The following GRID2 variants were observed in gnomAD, a reference collection of about 807,000 sequenced individuals.
The protein encoded by GRID2 is glutamate receptor ionotropic, delta-2.
In GRID2, 33 loss-of-function variants were observed where a neutral mutation model predicts 114.8. That is an observed-to-expected ratio of 0.29 (90% CI 0.22 to 0.38). The LOEUF (loss-of-function observed/expected upper bound fraction) is 0.38. GRID2 is among the 10% of genes least tolerant of loss of function. The pLI is 1.00. For synonymous variants in GRID2, 505 were observed against 449.9 expected, an observed-to-expected ratio of 1.12 and a Z score of -1.55; for missense variants, 1,184 against 1,257.7, an observed-to-expected ratio of 0.94 and a Z score of 0.89.
chr4:93,555,138 C>T (rs903898836), intron 13 of GRID2, among the ~76,000 whole-genome samples: 1 of 152,174 alleles, frequency 6.6e-6, no homozygotes, highest in East Asian at 1.9e-4. Context: ...CCTCGGGTGC[C>T]TACACCACCA....
intron 1 of GRID2, among the ~76,000 whole-genome samples, chr4:92,520,307 T>C (rs1029634169): frequency 6.6e-6 from 1 of 151,802 alleles, no homozygotes; most frequent in African/African-American, 2.4e-5. Context: ...ACATACCTTA[T>C]GTTACATGAT....
intron 1 of GRID2, among the ~76,000 whole-genome samples, chr4:92,464,989 C>T (rs532212123): frequency 6.6e-6 from 1 of 152,000 alleles, no homozygotes; most frequent in African/African-American, 2.4e-5. Flanking sequence ...TCCCTCTTCA[C>T]TCTCTCTCTC....
intron 3 of GRID2, among the ~76,000 whole-genome samples, chr4:93,109,652 A>T (rs1234611289): frequency 6.6e-6 from 1 of 152,090 alleles, no homozygotes; most frequent in Non-Finnish European, 1.5e-5. Flanking sequence ...CTACAATCCC[A>T]TTTACTTGTT....
intron 2 of GRID2, among the ~76,000 whole-genome samples, chr4:92,967,845 C>T (rs893011173): frequency 1.3e-4 from 20 of 151,932 alleles, no homozygotes; most frequent in African/African-American, 4.6e-4. Context: ...CAATAATTCT[C>T]CTTGAAATCT....
intron 1 of GRID2, among the ~76,000 whole-genome samples, chr4:92,305,744 T>TC (rs1446773404): frequency 6.6e-6 from 1 of 152,158 alleles, no homozygotes; most frequent in East Asian, 1.9e-4. Context: ...CGCTCGCAGC[T>TC]TCAGGCTCCA....
intron 2 of GRID2, among the ~76,000 whole-genome samples, chr4:92,915,253 T>A (rs1274072671): frequency 6.6e-6 from 1 of 152,190 alleles, no homozygotes; most frequent in Non-Finnish European, 1.5e-5. Context: ...GATTATGTCC[T>A]ATTAGCCTTA....
chr4:93,022,562 A>G (rs1723480984), intron 2 of GRID2, among the ~76,000 whole-genome samples: 2 of 152,042 alleles, frequency 1.3e-5, no homozygotes, highest in African/African-American at 4.8e-5. Context: ...CTAGTTAAAG[A>G]AACTACATTT....
At chr4:93,536,960 T>G (rs983367247) in intron 13 of GRID2, among the ~76,000 whole-genome samples, 1 of 151,690 alleles carries the variant, frequency 6.6e-6, no homozygotes, top group Non-Finnish European at 1.5e-5. Context: ...ATACCTCGCA[T>G]TGTTAATTTT....
chr4:93,389,792 C>CTT (rs372343031), intron 8 of GRID2, among the ~76,000 whole-genome samples: 1 of 143,662 alleles, frequency 7.0e-6, no homozygotes, highest in Non-Finnish European at 1.5e-5. Flanking sequence ...TTTTTTTTTT[C>CTT]TTTTTTTTTT....
chr4:93,538,861 G>A (rs984492546), intron 13 of GRID2, among the ~76,000 whole-genome samples: 1 of 151,352 alleles, frequency 6.6e-6, no homozygotes, highest in African/African-American at 2.4e-5. Context: ...GTTTGATAGG[G>A]TTGGGAACAG....
At chr4:93,119,989 A>G (rs1354914480) in intron 4 of GRID2, among the ~76,000 whole-genome samples, 1 of 152,142 alleles carries the variant, frequency 6.6e-6, no homozygotes, top group Non-Finnish European at 1.5e-5. Flanking sequence ...ATGTTCTCCC[A>G]TTCTGTAGCT....
chr4:93,209,808 A>T (rs978254333), intron 5 of GRID2, among the ~76,000 whole-genome samples: 2 of 152,044 alleles, frequency 1.3e-5, no homozygotes, highest in Non-Finnish European at 2.9e-5. Flanking sequence ...CTGGTGTGAG[A>T]TGGTATCTCA....
chr4:93,441,069 A>C (rs1290587365), intron 10 of GRID2, among the ~76,000 whole-genome samples: 2 of 152,126 alleles, frequency 1.3e-5, no homozygotes, highest in Non-Finnish European at 2.9e-5. Flanking sequence ...CAGCTTATCC[A>C]GCTGAAGCTG....
chr4:93,392,868 T>C (rs1764983741), intron 8 of GRID2, among the ~76,000 whole-genome samples: 1 of 152,036 alleles, frequency 6.6e-6, no homozygotes, highest in Non-Finnish European at 1.5e-5. Flanking sequence ...ATTTTACCTC[T>C]TAGTATATAT....
intron 1 of GRID2, among the ~76,000 whole-genome samples, chr4:92,355,460 TAATTA>T (rs1342167722): frequency 1.3e-5 from 2 of 151,820 alleles, no homozygotes; most frequent in Non-Finnish European, 2.9e-5. Context: ...ACTACAACTA[TAATTA>T]AATAATTGAA....
chr4:92,533,649 G>C (rs188112268), intron 1 of GRID2, among the ~76,000 whole-genome samples: 97 of 152,130 alleles, frequency 6.4e-4, no homozygotes, highest in African/African-American at 2.2e-3. Flanking sequence ...AGGACAGAAG[G>C]CACATAACAC....
chr4:93,477,456 T>A (rs1725428723), intron 11 of GRID2, among the ~76,000 whole-genome samples: 1 of 152,082 alleles, frequency 6.6e-6, no homozygotes, highest in South Asian at 2.1e-4. Flanking sequence ...TTAGTGGAAA[T>A]TTCAATGAAC....
chr4:93,490,849 A>T (rs1726926321), intron 12 of GRID2, 72 bp downstream of exon 12: 1 of 1,015,294 alleles, frequency 9.8e-7, no homozygotes. Context: ...ATCTGAGAAT[A>T]AGTATGTGGT....
rs760966775 is a variant in GRID2 at position 93,313,240 on chromosome 4, A to G, written c.1245+74750A>G. Among the ~76,000 whole-genome samples the G allele has an allele frequency of 2.0e-5, 3 of 152,190 alleles. No homozygotes were observed. In the South Asian group the frequency reaches 6.2e-4, roughly 31 times the overall value. ...CAGATTTCAGAACTATACAGCTTTC[A>G]AAAGGGACATAAGGGAGCAGAGAGA... is the stretch of plus-strand genomic sequence containing the variant. On this transcript the variant is annotated intron_variant, in intron 8 of 15. Transcript: ENST00000282020.
Sources: allele counts gnomAD v4.1 joint callset (sites outside exome capture counted in the v4.1 genomes callset), GRCh38; gene constraint gnomAD v4.1.1; transcripts MANE v1.5; gene names NCBI Gene and HGNC (gene_info 2026-07-23, HGNC 2026-07-21).